ALPK1: variants seen among roughly 807,000 people sequenced by gnomAD.
The protein encoded by ALPK1 is alpha-protein kinase 1.
ALPK1 carries 110 observed loss-of-function variants against 120.6 expected under a neutral mutation model. The observed-to-expected ratio is 0.91, with a 90% CI of 0.78 to 1.07. ALPK1 has a LOEUF of 1.07. Among genes scored for constraint, ALPK1 ranks in the 50% least tolerant of loss-of-function variants. ALPK1 has a pLI of 0.00. For missense variants in ALPK1, 1,498 were observed against 1,483.9 expected (o/e 1.01, Z -0.16); for synonymous variants, 582 against 560.3 (o/e 1.04, Z -0.55).
chr4:112,440,003 A>T (rs1227142377), intron 14 of ALPK1, 131 bp downstream of exon 14: 1 of 812,078 alleles, frequency 1.2e-6, no homozygotes, highest in Non-Finnish European at 1.8e-6. Context: ...AACTTAATTG[A>T]TCTTACTATA....
intron 14 of ALPK1, among the ~76,000 whole-genome samples, chr4:112,440,604 T>G (rs1734993258): frequency 6.6e-6 from 1 of 152,188 alleles, no homozygotes; most frequent in Non-Finnish European, 1.5e-5. Context: ...TATTCCATAT[T>G]ATGATATTGA....
At chr4:112,420,024 T>C (rs1045384487) in intron 5 of ALPK1, among the ~76,000 whole-genome samples, 6 of 152,202 alleles carry the variant, frequency 3.9e-5, no homozygotes, top group African/African-American at 1.2e-4. Flanking sequence ...CTCCAGCTCT[T>C]AGCACAGTCC....
chr4:112,433,025 C>T (rs1401435706), intron 11 of ALPK1, among the ~76,000 whole-genome samples: 1 of 152,238 alleles, frequency 6.6e-6, no homozygotes, highest in Non-Finnish European at 1.5e-5. Context: ...TACCAACCAA[C>T]TGATTTTTCT....
chr4:112,411,677 C>A, intron 4 of ALPK1, 150 bp from the exon 5 acceptor site: 2 of 688,402 alleles, frequency 2.9e-6, no homozygotes, highest in East Asian at 2.7e-5. Context: ...TTTCTATTTT[C>A]TTTCTTTCGG....
intron 5 of ALPK1, among the ~76,000 whole-genome samples, chr4:112,418,957 G>T (rs1400448505): frequency 6.6e-6 from 1 of 152,102 alleles, no homozygotes; most frequent in Non-Finnish European, 1.5e-5. Context: ...AGGTATAAAG[G>T]CTAGAAATGA....
chr4:112,357,921 C>T, intron 2 of ALPK1: 1 of 959,916 alleles, frequency 1.0e-6, no homozygotes, highest in East Asian at 2.5e-5. Flanking sequence ...TCTCTGAGAC[C>T]ATGGGTGCTT....
chr4:112,357,438 C>T, intron 2 of ALPK1: 1 of 703,148 alleles, frequency 1.4e-6, no homozygotes, highest in Non-Finnish European at 2.6e-6. Context: ...CCATCTGATG[C>T]CTGGAGCACC....
chr4:112,325,776 T>C (rs1017832878), intron 2 of ALPK1, among the ~76,000 whole-genome samples: 1 of 152,230 alleles, frequency 6.6e-6, no homozygotes, highest in East Asian at 1.9e-4. Context: ...GGTTCACAAA[T>C]GTTTCAGGCA....
intron 2 of ALPK1, among the ~76,000 whole-genome samples, chr4:112,344,575 T>C (rs1261194247): frequency 6.6e-6 from 1 of 152,252 alleles, no homozygotes; most frequent in East Asian, 1.9e-4. Context: ...TTGGGTTACA[T>C]CTTTCAATGT....
chr4:112,350,521 T>C (rs1712313253), intron 2 of ALPK1, among the ~76,000 whole-genome samples: 1 of 152,254 alleles, frequency 6.6e-6, no homozygotes, highest in African/African-American at 2.4e-5. Context: ...TCACCCACTG[T>C]AGCACAGACT....
rs1353799188 is a variant in ALPK1, at chr4:112,323,374, A to T, written c.-101+7522A>T. ...GAGCAGATTCAGTCTTTTATTTCAG[A>T]CCTATTTGCCTGTCATCTCTAGTAA... On this transcript the variant is annotated intron_variant, in intron 2 of 15. Coordinates refer to ENST00000650871, the MANE Select transcript of ALPK1 (RefSeq NM_025144.4). 8.5e-5 allele frequency among the ~76,000 whole-genome samples: 13 copies of T among 152,164 alleles called. No individual in the cohort carries two copies. In the East Asian group the frequency reaches 1.9e-3, roughly 23 times the overall value.
In ALPK1 at chr4:112,430,883, T is replaced by A; in HGVS notation, c.1336T>A (p.Leu446Met). 6.2e-7 allele frequency: 1 copy of A among 1,614,208 alleles called. No individual in the cohort carries two copies. The highest frequency in any genetic ancestry group is 8.5e-7 in the Non-Finnish European group (1 of 1,180,006). ...SFECRLDKLI[L>M]HGQGDFQKIL... ...CGAGTGCAGGTTGGATAAACTTATCTTGCATGGGCAAGGGGATTTCCAAAA... is the reference window on the plus strand; with the variant it reads ...CGAGTGCAGGTTGGATAAACTTATCATGCATGGGCAAGGGGATTTCCAAAA... The change falls in exon 11 of 16, where the codon TTG (leucine) becomes ATG (methionine). Residue 446 changes from leucine to methionine, a missense_variant. Physicochemically the swap from Leu to Met is conservative, Grantham distance 15 (BLOSUM62 2). Coordinates refer to ENST00000650871, the MANE Select transcript of ALPK1 (RefSeq NM_025144.4).
At chr4:112,397,411 T>A (rs1241386237) in intron 4 of ALPK1, among the ~76,000 whole-genome samples, 1 of 152,256 alleles carries the variant, frequency 6.6e-6, no homozygotes, top group African/African-American at 2.4e-5. Context: ...CATGAATTAT[T>A]AGGCTAGTGC....
intron 2 of ALPK1, among the ~76,000 whole-genome samples, chr4:112,321,030 G>A (rs1728846611): frequency 6.6e-6 from 1 of 151,384 alleles, no homozygotes; most frequent in South Asian, 2.1e-4. Context: ...CCCAGTAGCT[G>A]GGACTACAGG....
At chr4:112,300,566 A>G (rs115458536) in intron 1 of ALPK1, among the ~76,000 whole-genome samples, 1,797 of 152,218 alleles carry the variant, frequency 0.012, 14 homozygotes, top group Non-Finnish European at 0.017. Flanking sequence ...AGGAACAAAC[A>G]GGTGCAGCGG....
At chr4:112,366,426 G>A (rs985385266) in intron 2 of ALPK1, among the ~76,000 whole-genome samples, 9 of 151,842 alleles carry the variant, frequency 5.9e-5, no homozygotes, top group African/African-American at 2.2e-4. Context: ...TATACAAATG[G>A]CCAACAAACA....
intron 2 of ALPK1, chr4:112,356,113 G>T: frequency 1.4e-6 from 2 of 1,433,546 alleles, no homozygotes; most frequent in Non-Finnish European, 2.0e-6. Context: ...CACCCTCTGT[G>T]CCCTCCTGAG....
rs1444840517 is a variant in ALPK1, at chr4:112,427,415, T to TGATTTTTAAAAATAGTATTTTTAAAAATC, written c.700-137_700-136insTTTTAAAAATCGATTTTTAAAAATAGTAT. 8.6e-5 allele frequency among the ~76,000 whole-genome samples: 13 copies of TGATTTTTAAAAATAGTATTTTTAAAAATC among 151,870 alleles called. No individual in the cohort carries two copies. In the East Asian group the frequency reaches 2.1e-3, roughly 25 times the overall value. Reference sequence around the variant, plus strand: ...TTTTAAAAATAGTATTTTTAAAAATTGATTTTTAAAAATAGTATCTCCAAT... The same window carrying TGATTTTTAAAAATAGTATTTTTAAAAATC: ...TTTTAAAAATAGTATTTTTAAAAATTGATTTTTAAAAATAGTATTTTTAAAAATCGATTTTTAAAAATAGTATCTCCAAT... On this transcript the variant is annotated intron_variant, in intron 8 of 15. Transcript: ENST00000650871.
Position 112,431,336 on chromosome 4 carries a change from G to T in ALPK1, c.1789G>T (p.Glu597Ter). The T allele has an allele frequency of 1.2e-6, 2 of 1,614,192 alleles. No individual in the cohort carries two copies. Among genetic ancestry groups the T allele is most frequent in the Non-Finnish European group, 1.7e-6 (2 of 1,180,034 alleles). Residue 597 changes from glutamate to a stop codon, truncating the protein, a stop_gained, in exon 11 of 16, where the codon GAA (glutamate) becomes TAA (stop). Coordinates refer to ENST00000650871, the MANE Select transcript of ALPK1 (RefSeq NM_025144.4). LOFTEE classifies it high-confidence loss of function. ...SGFSSSASWE[E>*]VNYHVDDRSA... ...GTTTAGTTCCTCTGCAAGCTGGGAGGAAGTGAATTATCACGTTGACGACAG... is the reference window on the plus strand; with the variant it reads ...GTTTAGTTCCTCTGCAAGCTGGGAGTAAGTGAATTATCACGTTGACGACAG...
Sources: gnomAD v4.1 joint callset for allele counts (sites outside exome capture counted in the v4.1 genomes callset) on GRCh38, gnomAD v4.1.1 for gene constraint, MANE v1.5 for transcripts, NCBI Gene and HGNC (gene_info 2026-07-23, HGNC 2026-07-21) for gene names.